HACD1: variants seen among roughly 807,000 people sequenced by gnomAD.
HACD1 encodes the protein very-long-chain (3R)-3-hydroxyacyl-CoA dehydratase 1.
In HACD1, 41 loss-of-function variants were observed where a neutral mutation model predicts 32.0. The ratio of observed to expected loss-of-function variants is 1.28; its 90% CI spans 1.00 to 1.66. The LOEUF (loss-of-function observed/expected upper bound fraction) is 1.66, where lower values mean the gene tolerates loss of function less well. Among genes scored for constraint, HACD1 ranks in the 40% most tolerant of loss-of-function variants. The pLI, the probability that HACD1 is intolerant of heterozygous loss-of-function variation, is 0.00. For missense variants in HACD1, 396 were observed against 380.1 expected (o/e 1.04, Z -0.35); for synonymous variants, 142 against 139.0 (o/e 1.02, Z -0.15).
At chr10:17,601,122 C>G (rs1386464340) in intron 4 of HACD1, among the ~76,000 whole-genome samples, 1 of 152,006 alleles carries the variant, frequency 6.6e-6, no homozygotes, top group Admixed American at 6.6e-5. Flanking sequence ...CAACCTCTGC[C>G]TCTTGGGTTC....
chr10:17,590,447 C>T lies in HACD1; in HGVS notation c.785-1G>A. The T allele has an allele frequency of 6.4e-7, 1 of 1,574,784 alleles. No individual in the cohort carries two copies. Among genetic ancestry groups the T allele is most frequent in the Non-Finnish European group, 8.6e-7 (1 of 1,156,182 alleles). ...ATATGAAAATAGAGTTGTGGAAACA[C>T]TTCATTGAAAAAGAAAACAAAGAAA... On this transcript the variant is annotated splice_acceptor_variant, in intron 6 of 6. Transcript: ENST00000361271. LOFTEE classifies it high-confidence loss of function.
chr10:17,608,387 C>T (rs1443156985), intron 1 of HACD1, among the ~76,000 whole-genome samples: 2 of 152,190 alleles, frequency 1.3e-5, no homozygotes, highest in Non-Finnish European at 2.9e-5. Flanking sequence ...TCCATTATTT[C>T]AACAATCATT....
intron 6 of HACD1, among the ~76,000 whole-genome samples, chr10:17,593,583 G>A (rs1833956664): frequency 6.6e-6 from 1 of 152,206 alleles, no homozygotes; most frequent in African/African-American, 2.4e-5. Flanking sequence ...CCAAAGTGCT[G>A]GGATTATAGG....
Position 17,603,964 on chromosome 10 carries a change from G to C in HACD1, c.341C>G (p.Thr114Arg). ...HRGLYKSIQK[T>R]LKFFQTFALL... ...GGCAAATGTCTGGAAAAATTTAAGT[G>C]TCTTCTGAATACTTTTATATAAACC... The change falls in exon 2 of 7, where the codon ACA (threonine) becomes AGA (arginine). Residue 114 changes from threonine (T) to arginine (R), a missense_variant. Thr to Arg is a moderately conservative substitution (Grantham distance 71). Coordinates refer to ENST00000361271, the MANE Select transcript of HACD1 (RefSeq NM_014241.4). The C allele has an allele frequency of 6.2e-7, 1 of 1,611,356 alleles. No homozygotes were observed. The highest frequency in any genetic ancestry group is 8.5e-7 in the Non-Finnish European group (1 of 1,178,762).
At chr10:17,596,952 A>C (rs1834002743) in intron 5 of HACD1, among the ~76,000 whole-genome samples, 1 of 152,202 alleles carries the variant, frequency 6.6e-6, no homozygotes, top group Non-Finnish European at 1.5e-5. Context: ...GACAGCTTCA[A>C]CATCTGAACA....
chr10:17,592,350 C>A (rs1253487595), intron 6 of HACD1, among the ~76,000 whole-genome samples: 1 of 152,090 alleles, frequency 6.6e-6, no homozygotes, highest in African/African-American at 2.4e-5. Context: ...AATAATACTA[C>A]TACTTTTGAA....
At chr10:17,605,527 G>GA (rs200314155) in intron 1 of HACD1, among the ~76,000 whole-genome samples, 159 of 126,506 alleles carry the variant, frequency 1.3e-3, no homozygotes, top group East Asian at 2.4e-3. Flanking sequence ...TCCATCTCGG[G>GA]AAAAAAAAAA....
intron 1 of HACD1, among the ~76,000 whole-genome samples, chr10:17,606,615 C>G (rs1834152566): frequency 6.6e-6 from 1 of 152,146 alleles, no homozygotes; most frequent in Non-Finnish European, 1.5e-5. Flanking sequence ...TGCAAAGAAT[C>G]TACTAACTGA....
At chr10:17,612,184 T>A (rs782779813) in intron 1 of HACD1, among the ~76,000 whole-genome samples, 9 of 151,204 alleles carry the variant, frequency 6.0e-5, no homozygotes, top group Non-Finnish European at 1.0e-4. Flanking sequence ...CAGGAATTTA[T>A]TACACTAAGC....
Position 17,590,454 on chromosome 10 carries a change from G to A in HACD1, c.785-8C>T. 1 of 1,557,776 alleles carries A rather than the reference G, an allele frequency of 6.4e-7. No homozygotes were observed. Among genetic ancestry groups the A allele is most frequent in the Admixed American group, 1.9e-5 (1 of 53,062 alleles). Reference sequence around the variant, plus strand: ...AATAGAGTTGTGGAAACACTTCATTGAAAAAGAAAACAAAGAAAAACAAGC... The same window carrying A: ...AATAGAGTTGTGGAAACACTTCATTAAAAAAGAAAACAAAGAAAAACAAGC... On this transcript the variant is annotated splice_polypyrimidine_tract_variant and splice_region_variant and intron_variant, in intron 6 of 6. Transcript: ENST00000361271.
At chr10:17,607,069 C>T (rs1834158570) in intron 1 of HACD1, among the ~76,000 whole-genome samples, 2 of 152,118 alleles carry the variant, frequency 1.3e-5, no homozygotes, top group Non-Finnish European at 2.9e-5. Flanking sequence ...TTCATATTTA[C>T]ATTATAAATA....
At chr10:17,609,986 A>C (rs1215733868) in intron 1 of HACD1, among the ~76,000 whole-genome samples, 8 of 151,278 alleles carry the variant, frequency 5.3e-5, no homozygotes, top group Admixed American at 5.3e-4. Flanking sequence ...CCATCTCAAA[A>C]AAAAAAAAAA....
Position 17,617,249 on chromosome 10 carries a change from G to A in HACD1, c.91C>T (p.Pro31Ser), listed in dbSNP as rs1176644769. 3 of 1,480,824 alleles carry A rather than the reference G, an allele frequency of 2.0e-6. No individual in the cohort carries two copies. The highest frequency in any genetic ancestry group is 2.7e-6 in the Non-Finnish European group (3 of 1,121,378). The allele number at this position is 1,480,824 out of a possible 1,614,324, so 91.7% of individuals were successfully genotyped here. The part of the protein sequence containing the change: ...GSPPTLLPLS[P>S]TSPRCAATMA... ...GTGGCCGCGCACCTGGGGGACGTGGGAGACAGCGGCAGGAGCGTGGGAGGG... is the reference window on the plus strand; with the variant it reads ...GTGGCCGCGCACCTGGGGGACGTGGAAGACAGCGGCAGGAGCGTGGGAGGG... Residue 31 changes from proline to serine, a missense_variant, in exon 1 of 7, where the codon CCC becomes TCC. Coordinates refer to ENST00000361271, the MANE Select transcript of HACD1 (RefSeq NM_014241.4).
intron 5 of HACD1, among the ~76,000 whole-genome samples, chr10:17,594,904 A>G (rs7096200): frequency 0.99 from 147,440 of 148,882 alleles, 73,004 homozygotes; most frequent in East Asian, 1. Flanking sequence ...TGTCGCCTAG[A>G]CTGGAGTGCA....
chr10:17,592,789 A>G (rs1426748963), intron 6 of HACD1, among the ~76,000 whole-genome samples: 2 of 152,222 alleles, frequency 1.3e-5, no homozygotes, highest in Non-Finnish European at 2.9e-5. Flanking sequence ...TCCCCTCCTT[A>G]GCTCTCCCGA....
rs574228893 is a variant in HACD1 at position 17,599,098 on chromosome 10, C to T, written c.605+192G>A. On this transcript the variant is annotated intron_variant, in intron 5 of 6. Transcript: ENST00000361271. The stretch of plus-strand genomic sequence containing the variant: ...ATTTCACTCAAAATATTTATTAATA[C>T]GATTCCTCTCTCATCATTAAGCTTT... The T allele has an allele frequency of 1.7e-5, 17 of 1,026,806 alleles. No homozygotes were observed. In the East Asian group the frequency reaches 2.3e-4, roughly 14 times the overall value. 63.6% of individuals were successfully genotyped at this position (1,026,806 alleles called of 1,614,324 possible). A position where few individuals can be genotyped will look rare whatever the true frequency, so the allele number is the denominator to read the frequency against.
rs1282301385 is a variant in HACD1 at position 17,617,088 on chromosome 10, G to A, written c.252C>T (p.Thr84=). ...GTGCCCCGCGGCGCGCGTACCCCGC[G>A]GTCATGGCGATGTCGTAGAAGGTGA... is the stretch of plus-strand genomic sequence containing the variant. ...AWLTFYDIAM[T]AGWLVLAIAM... The change falls in exon 1 of 7, where the codon ACC becomes ACT. Residue 84 remains threonine, a synonymous_variant. Transcript: ENST00000361271. 1 of 1,486,048 alleles carries A rather than the reference G, an allele frequency of 6.7e-7. No individual in the cohort carries two copies. Among genetic ancestry groups the A allele is most frequent in the Admixed American group, 2.3e-5 (1 of 43,308 alleles). The allele number at this position is 1,486,048 out of a possible 1,614,324, so 92.1% of individuals were successfully genotyped here. A position where few individuals can be genotyped will look rare whatever the true frequency, so the allele number is the denominator to read the frequency against.
At chr10:17,612,930 A>AAC (rs530181001) in intron 1 of HACD1, among the ~76,000 whole-genome samples, 1 of 151,828 alleles carries the variant, frequency 6.6e-6, no homozygotes, top group African/African-American at 2.4e-5. Context: ...CAAAAAAAAA[A>AAC]AAACAAAAAC....
At chr10:17,606,561 T>C (rs61844125) in intron 1 of HACD1, among the ~76,000 whole-genome samples, 44,160 of 152,020 alleles carry the variant, frequency 0.29, 6,940 homozygotes, top group African/African-American at 0.37. Context: ...ACTTTTTTAA[T>C]CAAAGAACAC....
Sources: allele counts gnomAD v4.1 joint callset (sites outside exome capture counted in the v4.1 genomes callset), GRCh38; gene constraint gnomAD v4.1.1; transcripts MANE v1.5; gene names NCBI Gene and HGNC (gene_info 2026-07-23, HGNC 2026-07-21).